CDH17: variants seen among roughly 807,000 people sequenced by gnomAD.
The protein encoded by CDH17 is cadherin 17.
Under a neutral mutation model 86.3 loss-of-function variants are expected in CDH17, and 67 were observed. The observed-to-expected ratio is 0.78, with a 90% confidence interval of 0.64 to 0.95. The LOEUF (loss-of-function observed/expected upper bound fraction) is 0.95. Among genes scored for constraint, CDH17 ranks in the 40% least tolerant of loss-of-function variants. CDH17 has a pLI of 0.00. For missense variants in CDH17, 993 were observed against 1,017.6 expected (o/e 0.98, Z 0.33); for synonymous variants, 367 against 366.4 (o/e 1.00, Z -0.02).
At chr8:94,196,218 T>A (rs1458849329) in intron 1 of CDH17, among the ~76,000 whole-genome samples, 4 of 152,274 alleles carry the variant, frequency 2.6e-5, no homozygotes, top group South Asian at 2.1e-4. Flanking sequence ...ATGGAAAAAA[T>A]TTCACTAACA....
chr8:94,176,601 T>G lies in CDH17; in HGVS notation c.364A>C (p.Asn122His), dbSNP rs980716174. 1 of 1,613,712 alleles carries G rather than the reference T, an allele frequency of 6.2e-7. No individual in the cohort carries two copies. Among genetic ancestry groups the G allele is most frequent in the African/African-American group, 1.3e-5 (1 of 74,886 alleles). ...TTTGACTGGAGAAACGTGGGTCGAT[T>G]GTCGTTGATGTCCTTCACTTTTATG... Reference protein sequence around the residue: ...ITIKVKDINDNRPTFLQSKYE... With the variant: ...ITIKVKDINDHRPTFLQSKYE... The change falls in exon 5 of 18, where the codon AAT becomes CAT. Residue 122 changes from asparagine to histidine, a missense_variant. Asn to His is a moderately conservative substitution (Grantham distance 68, BLOSUM62 1). Transcript: ENST00000027335.
intron 3 of CDH17, among the ~76,000 whole-genome samples, chr8:94,181,423 T>A (rs1813483613): frequency 6.6e-6 from 1 of 152,060 alleles, no homozygotes; most frequent in Non-Finnish European, 1.5e-5. Flanking sequence ...CGAGTCTCAA[T>A]AAATTTAAAG....
At chr8:94,164,124 A>G (rs1255358252) in intron 10 of CDH17, among the ~76,000 whole-genome samples, 2 of 152,170 alleles carry the variant, frequency 1.3e-5, no homozygotes, top group Non-Finnish European at 2.9e-5. Flanking sequence ...TCTATCTTCA[A>G]ATTGCTCCAG....
At chr8:94,212,254 C>G (rs941841975), upstream of CDH17, among the ~76,000 whole-genome samples, 2 of 152,144 alleles carry the variant, frequency 1.3e-5, no homozygotes, top group African/African-American at 2.4e-5. Context: ...CCTTCAGGCT[C>G]AAGCCATCCT....
At chr8:94,159,860 G>T in intron 12 of CDH17, 111 bp downstream of exon 12, 1 of 718,308 alleles carries the variant, frequency 1.4e-6, no homozygotes, top group Non-Finnish European at 2.1e-6. Flanking sequence ...CCATCACCAT[G>T]CCTGAGAGAT....
At chr8:94,153,140 A>G (rs1271364983) in intron 12 of CDH17, among the ~76,000 whole-genome samples, 3 of 152,212 alleles carry the variant, frequency 2.0e-5, no homozygotes, top group African/African-American at 7.2e-5. Context: ...GGATTAATAT[A>G]AAAAATTTAT....
intron 7 of CDH17, among the ~76,000 whole-genome samples, chr8:94,173,571 T>C (rs1408560799): frequency 1.3e-5 from 2 of 152,214 alleles, no homozygotes; most frequent in African/African-American, 4.8e-5. Flanking sequence ...TATTTCTTTA[T>C]AGCAATACAA....
intron 1 of CDH17, among the ~76,000 whole-genome samples, chr8:94,200,804 G>A (rs1167422248): frequency 2.6e-5 from 4 of 151,888 alleles, no homozygotes; most frequent in East Asian, 1.9e-4. Context: ...CCCGGATAAC[G>A]ACAAAGGCAG....
At chr8:94,153,745 T>C (rs1812898733) in intron 12 of CDH17, among the ~76,000 whole-genome samples, 2 of 152,184 alleles carry the variant, frequency 1.3e-5, no homozygotes, top group South Asian at 4.1e-4. Flanking sequence ...CCATCATTTG[T>C]GATAACACGG....
At chr8:94,154,325 T>TAACTGTGGGACACTTCATTTATTC in intron 12 of CDH17, among the ~76,000 whole-genome samples, 1 of 152,366 alleles carries the variant, frequency 6.6e-6, no homozygotes, top group East Asian at 1.9e-4. Flanking sequence ...CAAATTTATT[T>TAACTGTGGGACACTTCATTTATTC]AACTGTGGGA....
At chr8:94,180,619 G>T (rs767968531) in intron 3 of CDH17, among the ~76,000 whole-genome samples, 1 of 152,102 alleles carries the variant, frequency 6.6e-6, no homozygotes, top group Non-Finnish European at 1.5e-5. Context: ...AAAAGAGGCC[G>T]GGTGCAGTGG....
At chr8:94,196,040 G>A (rs957263304) in intron 1 of CDH17, among the ~76,000 whole-genome samples, 4 of 152,144 alleles carry the variant, frequency 2.6e-5, no homozygotes, top group Non-Finnish European at 4.4e-5. Flanking sequence ...GATTACAGGC[G>A]TGAGCCACCA....
At chr8:94,133,481 C>T (rs752453246) in intron 15 of CDH17, among the ~76,000 whole-genome samples, 74 of 151,946 alleles carry the variant, frequency 4.9e-4, no homozygotes, top group African/African-American at 1.6e-3. Flanking sequence ...TGTATAGGAA[C>T]GCTTGTAATT....
intron 5 of CDH17, 70 bp from the exon 6 acceptor site, chr8:94,174,330 A>G (rs1813330784): frequency 3.4e-6 from 5 of 1,456,362 alleles, no homozygotes; most frequent in Non-Finnish European, 4.6e-6. Context: ...AACCATAGCT[A>G]CTTTTTCCAT....
intron 15 of CDH17, among the ~76,000 whole-genome samples, chr8:94,143,429 G>C (rs1812675782): frequency 6.6e-6 from 1 of 152,186 alleles, no homozygotes; most frequent in Admixed American, 6.5e-5. Context: ...AAGGACCCTA[G>C]TATTTTAGGA....
At chr8:94,199,264 A>C (rs1230773915) in intron 1 of CDH17, among the ~76,000 whole-genome samples, 1 of 151,850 alleles carries the variant, frequency 6.6e-6, no homozygotes, top group Non-Finnish European at 1.5e-5. Context: ...TGGATATCTT[A>C]TTAATTTGTT....
At chr8:94,129,884 G>A (rs909174609) in intron 17 of CDH17, among the ~76,000 whole-genome samples, 6 of 152,116 alleles carry the variant, frequency 3.9e-5, no homozygotes, top group Admixed American at 2.0e-4. Context: ...TATGAATCAC[G>A]TGAATTTTGT....
chr8:94,208,571 G>T (rs2129665377), upstream of CDH17: 1 of 152,246 alleles, frequency 6.6e-6, no homozygotes, highest in South Asian at 2.1e-4. Context: ...ATCTCCCCCG[G>T]GAACACTCCC....
intron 15 of CDH17, among the ~76,000 whole-genome samples, chr8:94,137,476 A>C (rs1812553992): frequency 6.6e-6 from 1 of 152,192 alleles, no homozygotes; most frequent in Admixed American, 6.5e-5. Flanking sequence ...CTTCTCTGCC[A>C]GTTGCTAAGA....
Sources: gnomAD v4.1 joint callset for allele counts (sites outside exome capture counted in the v4.1 genomes callset) on GRCh38, gnomAD v4.1.1 for gene constraint, MANE v1.5 for transcripts, NCBI Gene and HGNC (gene_info 2026-07-23, HGNC 2026-07-21) for gene names.